MPZL2: variants seen among roughly 807,000 people sequenced by gnomAD.
MPZL2 encodes myelin protein zero-like protein 2.
Under a neutral mutation model 24.5 loss-of-function variants are expected in MPZL2, and 32 were observed. That is an observed-to-expected ratio of 1.31 (90% CI 0.99 to 1.76). The LOEUF (loss-of-function observed/expected upper bound fraction) is 1.76. Among genes scored for constraint, MPZL2 ranks in the 40% most tolerant of loss-of-function variants. MPZL2 has a pLI of 0.00. For missense variants in MPZL2, 304 were observed against 274.9 expected, an observed-to-expected ratio of 1.11 and a Z score of -0.75; for synonymous variants, 92 against 97.9, an observed-to-expected ratio of 0.94 and a Z score of 0.36.
rs1274124883 is a variant in MPZL2 at position 118,254,127 on chromosome 11, A to C, written c.*1119T>G. 6.6e-6 allele frequency: 1 copy of C among 152,240 alleles called. No individual in the cohort carries two copies. The highest frequency in any genetic ancestry group is 1.5e-5 in the Non-Finnish European group (1 of 68,016). 9.4% of individuals were successfully genotyped at this position (152,240 alleles called of 1,614,324 possible). On this transcript the variant is annotated 3_prime_UTR_variant, in exon 6 of 6. Transcript: ENST00000278937. ...GCTTTATCTACCAGTATGGGGGAAA[A>C]AAAGAATAAAGTTGGTTTTATTCCA...
intron 4 of MPZL2, 140 bp downstream of exon 4, chr11:118,259,914 T>C: frequency 1.1e-6 from 1 of 939,880 alleles, no homozygotes; most frequent in Non-Finnish European, 1.6e-6. Context: ...ACCTGATTTA[T>C]CTGTCCTGCA....
At position 118,255,003 on chromosome 11, in the gene MPZL2, C is replaced by A. The variant is rs1443652170; in HGVS notation, c.*243G>T. The A allele has an allele frequency of 6.6e-6, 1 of 152,080 alleles. No individual in the cohort carries two copies. The highest frequency in any genetic ancestry group is 1.5e-5 in the Non-Finnish European group (1 of 68,020). The allele number at this position is 152,080 out of a possible 1,614,324, so 9.4% of individuals were successfully genotyped here. On this transcript the variant is annotated 3_prime_UTR_variant, in exon 6 of 6. Coordinates refer to ENST00000278937, the MANE Select transcript of MPZL2 (RefSeq NM_005797.4). ...CTTCTTGTTTATAAAACCTAATGAG[C>A]ACTTGAAAAAATTTACACTCTGAAA...
At chr11:118,260,554 G>A (rs553416706) in intron 3 of MPZL2, among the ~76,000 whole-genome samples, 1 of 152,290 alleles carries the variant, frequency 6.6e-6, no homozygotes, top group South Asian at 2.1e-4. Flanking sequence ...GAAAACCACT[G>A]GGTGGGTTGA....
intron 3 of MPZL2, among the ~76,000 whole-genome samples, chr11:118,260,907 C>T (rs1442057100): frequency 6.6e-6 from 1 of 152,128 alleles, no homozygotes; most frequent in African/African-American, 2.4e-5. Flanking sequence ...CATAAGCCCT[C>T]AGAGCCAGAA....
In MPZL2 at chr11:118,261,101, T is replaced by C. The variant is rs530602012; in HGVS notation, c.437-900A>G. On this transcript the variant is annotated intron_variant, in intron 3 of 5. Coordinates refer to ENST00000278937, the MANE Select transcript of MPZL2 (RefSeq NM_005797.4). ...TTCTCAAAGAATAATTATCCACATA[T>C]ATTTAAGAACCACTGATTTTTTGTG... is the stretch of plus-strand genomic sequence containing the variant. Among the ~76,000 whole-genome samples the C allele has an allele frequency of 8.5e-5, 13 of 152,340 alleles. No individual in the cohort carries two copies. The South Asian group carries it at 2.5e-3, about 29-fold the overall frequency.
chr11:118,264,122 A>C lies in MPZL2; in HGVS notation c.32T>G (p.Leu11Arg). ...TGTGAGCTGTATGCCAAGGAGAAGA[A>C]GCACCGCACGAGTAGAGCTCTTGCC... is the stretch of plus-strand genomic sequence containing the variant. MYGKSSTRAVLLLLGIQLTAL... is the reference protein window; with the variant it reads MYGKSSTRAVRLLLGIQLTAL... Residue 11 changes from leucine to arginine, a missense_variant, in exon 1 of 6, where the codon CTT (leucine) becomes CGT (arginine). By Grantham distance (102) the Leu-to-Arg change is moderately radical. Coordinates refer to ENST00000278937, the MANE Select transcript of MPZL2 (RefSeq NM_005797.4). The C allele has an allele frequency of 1.2e-6, 2 of 1,614,148 alleles. No homozygotes were observed. Among genetic ancestry groups the C allele is most frequent in the Non-Finnish European group, 1.7e-6 (2 of 1,180,016 alleles).
chr11:118,259,136 A>G (rs1028239526), intron 4 of MPZL2: 1 of 152,186 alleles, frequency 6.6e-6, no homozygotes, highest in Non-Finnish European at 1.5e-5. Flanking sequence ...TCCAAAAACT[A>G]AACAGAGTTA....
At chr11:118,261,304 T>A (rs1343995987) in intron 3 of MPZL2, among the ~76,000 whole-genome samples, 1 of 152,216 alleles carries the variant, frequency 6.6e-6, no homozygotes, top group Non-Finnish European at 1.5e-5. Context: ...CAGGCTTATA[T>A]GTTTGGAGTA....
chr11:118,262,720 A>G, intron 2 of MPZL2, 72 bp from the exon 3 acceptor site: 3 of 1,494,792 alleles, frequency 2.0e-6, no homozygotes, highest in Non-Finnish European at 2.8e-6. Context: ...GTGGGAGCGG[A>G]AGTGAAACAC....
chr11:118,263,146 G>C (rs1949715531), intron 1 of MPZL2, 49 bp from the exon 2 acceptor site: 2 of 1,562,180 alleles, frequency 1.3e-6, no homozygotes, highest in Non-Finnish European at 1.7e-6. Flanking sequence ...ATGTAGTATT[G>C]TGAGAACTTC....
At chr11:118,262,837 T>C in intron 2 of MPZL2, 94 bp downstream of exon 2, 1 of 1,486,000 alleles carries the variant, frequency 6.7e-7, no homozygotes, top group Non-Finnish European at 9.2e-7. Context: ...TTGTGCTTGC[T>C]GCTAAGAAAA....
chr11:118,257,621 CAAAA>C (rs144712258), intron 4 of MPZL2: 7,169 of 209,946 alleles, frequency 0.034, 517 homozygotes, highest in African/African-American at 0.15. Context: ...ATTTGTTATT[CAAAA>C]AAAAAATAAA....
chr11:118,261,046 A>T (rs1051978045), intron 3 of MPZL2, among the ~76,000 whole-genome samples: 7 of 152,316 alleles, frequency 4.6e-5, no homozygotes, highest in African/African-American at 1.7e-4. Flanking sequence ...CCACTGTTTT[A>T]TGGGAAGCAG....
In MPZL2 at chr11:118,260,077, A is replaced by G; in HGVS notation, c.561T>C (p.Ala187=). ...ACGATTTTATCTCCACCACTTTATG[A>G]GCTCTTTCGGCCCATCGCTTTTTCC... ...HYRKKRWAER[A]HKVVEIKSKE... Residue 187 remains alanine (A), a synonymous_variant, in exon 4 of 6, where the codon GCT becomes GCC. Transcript: ENST00000278937. 3.7e-6 allele frequency: 6 copies of G among 1,613,986 alleles called. No individual in the cohort carries two copies. Among genetic ancestry groups the G allele is most frequent in the Non-Finnish European group, 5.1e-6 (6 of 1,179,920 alleles).
intron 4 of MPZL2, among the ~76,000 whole-genome samples, chr11:118,258,698 G>A (rs1229869059): frequency 6.6e-6 from 1 of 152,134 alleles, no homozygotes; most frequent in African/African-American, 2.4e-5. Context: ...TGGGTCATGG[G>A]AGCAGATCTC....
intron 3 of MPZL2, among the ~76,000 whole-genome samples, chr11:118,261,505 ACACT>A (rs1283845407): frequency 6.6e-6 from 1 of 152,238 alleles, no homozygotes; most frequent in East Asian, 1.9e-4. Context: ...TACAAAATAA[ACACT>A]CAATGTATGG....
chr11:118,262,944 C>T lies in MPZL2; in HGVS notation c.212G>A (p.Gly71Glu), dbSNP rs184598629. ...VTWNFRPLDG[G>E]PEQFVFYYHI... Reference sequence around the variant, plus strand: ...TAATCTACTTACAAACTGCTCAGGTCCCCCGTCTAGAGGACGAAAATTCCA... The same window carrying T: ...TAATCTACTTACAAACTGCTCAGGTTCCCCGTCTAGAGGACGAAAATTCCA... Residue 71 changes from glycine to glutamate, a missense_variant, in exon 2 of 6, where the codon GGA becomes GAA. Physicochemically the swap from Gly to Glu is moderately conservative, Grantham distance 98. Transcript: ENST00000278937. 2 of 1,613,978 alleles carry T rather than the reference C, an allele frequency of 1.2e-6. No individual in the cohort carries two copies. The highest frequency in any genetic ancestry group is 4.5e-5 in the East Asian group (2 of 44,890).
At chr11:118,256,936 C>T (rs1057142496) in intron 5 of MPZL2, 1 of 190,542 alleles carries the variant, frequency 5.2e-6, no homozygotes, top group Non-Finnish European at 1.1e-5. Flanking sequence ...GATTTATTTA[C>T]TTGTTGAATA....
intron 1 of MPZL2, 85 bp downstream of exon 1, chr11:118,264,011 G>T: frequency 7.1e-7 from 1 of 1,416,950 alleles, no homozygotes; most frequent in Non-Finnish European, 9.9e-7. Flanking sequence ...CCAAACAAAA[G>T]TCTTGCAACT....
Sources: gnomAD v4.1 joint callset for allele counts (sites outside exome capture counted in the v4.1 genomes callset) on GRCh38, gnomAD v4.1.1 for gene constraint, MANE v1.5 for transcripts, NCBI Gene and HGNC (gene_info 2026-07-23, HGNC 2026-07-21) for gene names.